Variants in CASP6 observed in about 807,000 individuals in gnomAD.
CASP6 encodes caspase-6.
A neutral mutation model predicts 31.8 loss-of-function variants in CASP6; 20 were observed. The observed-to-expected ratio is 0.63, with a 90% CI of 0.44 to 0.91. The LOEUF (loss-of-function observed/expected upper bound fraction) is 0.91. Ranked by LOEUF, CASP6 falls within the 40% of genes least tolerant of loss-of-function variation. The pLI, the probability that CASP6 is intolerant of heterozygous loss-of-function variation, is 0.00. For missense variants in CASP6, 328 were observed against 361.1 expected (o/e 0.91, Z 0.74); for synonymous variants, 130 against 127.8 (o/e 1.02, Z -0.12).
At chr4:109,682,582 A>G in the CASP6 span, 1 of 1,599,720 alleles carries the variant, frequency 6.3e-7, no homozygotes, top group Middle Eastern at 1.7e-4. Context: ...CTTTTCTCAG[A>G]AAAACCAAGT....
intron 4 of CASP6, among the ~76,000 whole-genome samples, chr4:109,694,960 G>A (rs1730192018): frequency 6.6e-6 from 1 of 152,122 alleles, no homozygotes; most frequent in South Asian, 2.1e-4. Context: ...AGCCTCCCAA[G>A]TAGCTGGGAT....
At chr4:109,695,631 C>G (rs1730214777) in intron 4 of CASP6, among the ~76,000 whole-genome samples, 1 of 151,852 alleles carries the variant, frequency 6.6e-6, no homozygotes, top group African/African-American at 2.4e-5. Flanking sequence ...GGGCGAGCTA[C>G]CTGGGAAGCT....
the CASP6 span, among the ~76,000 whole-genome samples, chr4:109,678,190 A>G: frequency 6.6e-6 from 1 of 152,142 alleles, no homozygotes; most frequent in Non-Finnish European, 1.5e-5. Flanking sequence ...AGTACAGAAC[A>G]AAATGGAGTC....
chr4:109,707,591 G>C (rs146088821), upstream of CASP6, among the ~76,000 whole-genome samples: 1,281 of 152,036 alleles, frequency 8.4e-3, 15 homozygotes, highest in African/African-American at 0.029. Context: ...TCTCCATGTT[G>C]GTCAGGCTGG....
At chr4:109,687,810 C>G (rs1402597547), downstream of CASP6, 2 of 531,994 alleles carry the variant, frequency 3.8e-6, no homozygotes, top group Admixed American at 7.3e-5. Flanking sequence ...ATCAAAGCAA[C>G]GGTGGCTGCT....
intron 2 of CASP6, 21 bp downstream of exon 2, chr4:109,698,279 T>G (rs747916437): frequency 9.4e-6 from 15 of 1,600,306 alleles, no homozygotes; most frequent in Non-Finnish European, 4.3e-6. Flanking sequence ...AGACCTTTAT[T>G]AGAAAAGAGC....
At chr4:109,701,145 A>T (rs965083646) in intron 1 of CASP6, among the ~76,000 whole-genome samples, 4 of 151,820 alleles carry the variant, frequency 2.6e-5, no homozygotes, top group Non-Finnish European at 4.4e-5. Flanking sequence ...TATTTTCAGT[A>T]GAGACAGGGT....
At chr4:109,683,887 A>G (rs951995993), downstream of CASP6, among the ~76,000 whole-genome samples, 13 of 152,146 alleles carry the variant, frequency 8.5e-5, no homozygotes, top group Non-Finnish European at 1.3e-4. Flanking sequence ...TCAATTGTAT[A>G]CTTTACTATT....
chr4:109,706,170 T>TATATATATACAC (rs1452145399), upstream of CASP6, among the ~76,000 whole-genome samples: 1 of 89,082 alleles, frequency 1.1e-5, no homozygotes, highest in Non-Finnish European at 2.0e-5. Context: ...TATATATATA[T>TATATATATACAC]ACACACACAC....
At chr4:109,704,798 G>A (rs1730547762), upstream of CASP6, among the ~76,000 whole-genome samples, 1 of 152,168 alleles carries the variant, frequency 6.6e-6, no homozygotes, top group African/African-American at 2.4e-5. Context: ...TCTGCCTCCT[G>A]GGTTCAAACG....
the CASP6 span, among the ~76,000 whole-genome samples, chr4:109,669,971 T>C: frequency 6.6e-6 from 1 of 152,256 alleles, no homozygotes; most frequent in Non-Finnish European, 1.5e-5. Context: ...TGTAGTTATT[T>C]CAAGTTGCTA....
upstream of CASP6, among the ~76,000 whole-genome samples, chr4:109,707,877 A>G (rs1165043032): frequency 6.6e-6 from 1 of 152,192 alleles, no homozygotes; most frequent in African/African-American, 2.4e-5. Flanking sequence ...GATTTAATTT[A>G]GCTCCTCCTT....
At chr4:109,676,854 A>T in the CASP6 span, among the ~76,000 whole-genome samples, 3 of 152,280 alleles carry the variant, frequency 2.0e-5, no homozygotes, top group South Asian at 4.1e-4. Context: ...CAGTAAAATG[A>T]GAGGAGAATA....
the CASP6 span, among the ~76,000 whole-genome samples, chr4:109,709,621 T>C: frequency 6.6e-6 from 1 of 152,194 alleles, no homozygotes; most frequent in African/African-American, 2.4e-5. Flanking sequence ...GAGATAGGCA[T>C]TATTCAAAGG....
chr4:109,699,540 T>C (rs1317934050), intron 1 of CASP6, among the ~76,000 whole-genome samples: 1 of 152,234 alleles, frequency 6.6e-6, no homozygotes, highest in Non-Finnish European at 1.5e-5. Context: ...AAGTCAGTTT[T>C]GCTCAACCTT....
chr4:109,672,631 T>C, the CASP6 span, among the ~76,000 whole-genome samples: 1 of 152,216 alleles, frequency 6.6e-6, no homozygotes, highest in Non-Finnish European at 1.5e-5. Context: ...CATCTACTGG[T>C]AAATGTGGGA....
intron 1 of CASP6, among the ~76,000 whole-genome samples, chr4:109,702,119 G>A (rs1730437931): frequency 6.6e-6 from 1 of 152,188 alleles, no homozygotes; most frequent in Admixed American, 6.5e-5. Context: ...GAGGAAGGGA[G>A]CAGGTGAGTG....
At chr4:109,673,596 G>A in the CASP6 span, among the ~76,000 whole-genome samples, 39 of 152,292 alleles carry the variant, frequency 2.6e-4, no homozygotes, top group African/African-American at 9.4e-4. Flanking sequence ...AATCATACTG[G>A]ATTAACTGAA....
chr4:109,699,301 G>A (rs996566706), intron 1 of CASP6, among the ~76,000 whole-genome samples: 7 of 152,094 alleles, frequency 4.6e-5, no homozygotes, highest in South Asian at 2.1e-4. Context: ...CCTAAAGCAT[G>A]GACTCTTACC....
Sources: gnomAD v4.1 joint callset for allele counts (sites outside exome capture counted in the v4.1 genomes callset) on GRCh38, gnomAD v4.1.1 for gene constraint, MANE v1.5 for transcripts, NCBI Gene and HGNC (gene_info 2026-07-23, HGNC 2026-07-21) for gene names.